The following DNAI1 variants were observed in gnomAD, a reference collection of about 807,000 sequenced individuals.
DNAI1 encodes the protein dynein, axonemal, intermediate polypeptide 1.
A neutral mutation model predicts 92.0 loss-of-function variants in DNAI1; 67 were observed. The ratio of observed to expected loss-of-function variants is 0.73; its 90% CI spans 0.60 to 0.89. DNAI1 has a LOEUF of 0.89. Among genes scored for constraint, DNAI1 ranks in the 40% least tolerant of loss-of-function variants. The pLI is 0.00. For synonymous variants in DNAI1, 323 were observed against 319.6 expected (o/e 1.01, Z -0.11); for missense variants, 839 against 866.6 (o/e 0.97, Z 0.40).
chr9:34,499,640 T>C (rs1334219846), intron 10 of DNAI1, among the ~76,000 whole-genome samples: 2 of 151,872 alleles, frequency 1.3e-5, no homozygotes, highest in Admixed American at 6.6e-5. Context: ...CAAAAGAAAA[T>C]GAAGGCCTTA....
chr9:34,483,217 G>T (rs1162072190), intron 1 of DNAI1, among the ~76,000 whole-genome samples: 1 of 152,224 alleles, frequency 6.6e-6, no homozygotes, highest in Non-Finnish European at 1.5e-5. Flanking sequence ...AGCCCAGAAA[G>T]GGGCTCCCAC....
intron 1 of DNAI1, among the ~76,000 whole-genome samples, chr9:34,481,506 G>T (rs1011154932): frequency 6.6e-6 from 1 of 152,236 alleles, no homozygotes; most frequent in African/African-American, 2.4e-5. Context: ...CTCCTTTTGT[G>T]TCTGGAATTG....
At chr9:34,500,351 CT>C (rs1824804052) in intron 10 of DNAI1, among the ~76,000 whole-genome samples, 1 of 152,090 alleles carries the variant, frequency 6.6e-6, no homozygotes, top group African/African-American at 2.4e-5. Flanking sequence ...CAGCTGAACC[CT>C]TGAAATTTGG....
intron 7 of DNAI1, among the ~76,000 whole-genome samples, chr9:34,490,784 G>C (rs1179900278): frequency 6.6e-6 from 1 of 152,204 alleles, no homozygotes; most frequent in Admixed American, 6.5e-5. Flanking sequence ...GAGGGGAGGG[G>C]AGGCCACAGT....
intron 1 of DNAI1, chr9:34,478,810 A>G (rs1220455144): frequency 1.3e-5 from 2 of 152,276 alleles, no homozygotes; most frequent in Non-Finnish European, 2.9e-5. Flanking sequence ...AAGAACGCCA[A>G]GCTGCCTCCT....
rs55750068 is a variant in DNAI1, at chr9:34,458,836, T to G, written c.-170T>G. The G allele has an allele frequency of 1.9e-5, 13 of 697,452 alleles. No homozygotes were observed. In the South Asian group the frequency reaches 2.0e-4, roughly 11 times the overall value. The allele number at this position is 697,452 out of a possible 1,614,324, so 43.2% of individuals were successfully genotyped here. ...TGGGTAACCGCGTCAGGGAGTTGGA[T>G]TCTATCCTGCAAGGGCACGGGGACC... On this transcript the variant is annotated 5_prime_UTR_variant, in exon 1 of 20. Coordinates refer to ENST00000242317, the MANE Select transcript of DNAI1 (RefSeq NM_012144.4). The surrounding 1 kb of genome is among the most constrained non-coding windows in gnomAD (Gnocchi z 6.6).
At position 34,492,493 on chromosome 9, in the gene DNAI1, G is replaced by GATAT. The variant is rs752863173; in HGVS notation, c.682-662_682-659dup. Among the ~76,000 whole-genome samples the GATAT allele has an allele frequency of 4.8e-3, 324 of 68,152 alleles. 3 individuals are homozygous for GATAT. The highest frequency in any genetic ancestry group is 5.6e-3 in the Non-Finnish European group (184 of 32,680). 44.7% of individuals were successfully genotyped at this position (68,152 alleles called of 152,430 possible). A position where few individuals can be genotyped will look rare whatever the true frequency, so the allele number is the denominator to read the frequency against. On this transcript the variant is annotated intron_variant, in intron 8 of 19. Coordinates refer to ENST00000242317, the MANE Select transcript of DNAI1 (RefSeq NM_012144.4). ...TCCGGGGTGGGGGTGGGGATATGAA[G>GATAT]ATATATATATATATATATATATATA...
In DNAI1 at chr9:34,487,696, C is replaced by G. The variant is rs190691819; in HGVS notation, c.262-1627C>G. On this transcript the variant is annotated intron_variant, in intron 4 of 19. Coordinates refer to ENST00000242317, the MANE Select transcript of DNAI1 (RefSeq NM_012144.4). ...TGGGAAGCACACTACAGGCAGAGGA[C>G]TGGCATTGCCTTGTCAATTTCAACG... Among the ~76,000 whole-genome samples, 19 of 152,194 alleles carry G rather than the reference C, an allele frequency of 1.2e-4. No homozygotes were observed. The East Asian group carries it at 3.5e-3, about 28-fold the overall frequency.
At position 34,497,287 on chromosome 9, in the gene DNAI1, G is replaced by A; in HGVS notation, c.901+88G>A. 6.1e-6 allele frequency: 6 copies of A among 978,286 alleles called. No homozygotes were observed. In the East Asian group the frequency reaches 1.4e-4, roughly 24 times the overall value. 60.6% of individuals were successfully genotyped at this position (978,286 alleles called of 1,614,324 possible). A position where few individuals can be genotyped will look rare whatever the true frequency, so the allele number is the denominator to read the frequency against. ...TGGGTTATTTGGGTGTCTCTTGCTAGCTCCTATAGGTGCAAGCGGAGAAAA... is the reference window on the plus strand; with the variant it reads ...TGGGTTATTTGGGTGTCTCTTGCTAACTCCTATAGGTGCAAGCGGAGAAAA... On this transcript the variant is annotated intron_variant, in intron 10 of 19. Coordinates refer to ENST00000242317, the MANE Select transcript of DNAI1 (RefSeq NM_012144.4).
At position 34,501,178 on chromosome 9, in the gene DNAI1, T is replaced by TCAA. The variant is rs1178132987; in HGVS notation, c.1061_1062insAAC (p.Ser354_Tyr355insThr). Reference sequence around the variant, plus strand: ...GGATCTGTTTGCAGTGGGATATGGCTCTTGTAAGTGATCTGACTATTCATT... The same window carrying TCAA: ...GGATCTGTTTGCAGTGGGATATGGCTCAACTTGTAAGTGATCTGACTATTCATT... On this transcript the variant is annotated inframe_insertion, in exon 12 of 20. Transcript: ENST00000242317. 1 of 1,612,116 alleles carries TCAA rather than the reference T, an allele frequency of 6.2e-7. No homozygotes were observed. The highest frequency in any genetic ancestry group is 1.3e-5 in the African/African-American group (1 of 74,884).
rs543480114 is a variant in DNAI1 at position 34,520,957 on chromosome 9, T to C, written c.*201T>C. ...TCAACCACCATTACCCCTCTAACTT[T>C]GCACAAATAAACCTGTGTAGAAACC... On this transcript the variant is annotated 3_prime_UTR_variant, in exon 20 of 20. Transcript: ENST00000242317. 2.5e-5 allele frequency: 16 copies of C among 638,918 alleles called. No individual in the cohort carries two copies. The highest frequency in any genetic ancestry group is 8.4e-6 in the Non-Finnish European group (3 of 355,698). The allele number at this position is 638,918 out of a possible 1,614,324, so 39.6% of individuals were successfully genotyped here. A position where few individuals can be genotyped will look rare whatever the true frequency, so the allele number is the denominator to read the frequency against.
intron 1 of DNAI1, among the ~76,000 whole-genome samples, chr9:34,469,876 A>C (rs983331896): frequency 6.6e-6 from 1 of 152,210 alleles, no homozygotes; most frequent in Non-Finnish European, 1.5e-5. Flanking sequence ...CACTGCGCCC[A>C]GCCCTTCTAT....
At chr9:34,490,528 C>T in intron 7 of DNAI1, 40 bp downstream of exon 7, 2 of 1,613,208 alleles carry the variant, frequency 1.2e-6, no homozygotes. Flanking sequence ...CAGCTCTTCA[C>T]TGTGCCTGGC....
intron 12 of DNAI1, among the ~76,000 whole-genome samples, chr9:34,501,587 A>G (rs1180645554): frequency 6.6e-6 from 1 of 152,246 alleles, no homozygotes; most frequent in Non-Finnish European, 1.5e-5. Context: ...GAATTCAAGG[A>G]CAGGGACATG....
intron 9 of DNAI1, 57 bp downstream of exon 9, chr9:34,493,385 C>T: frequency 6.2e-7 from 1 of 1,612,824 alleles, no homozygotes; most frequent in Non-Finnish European, 8.5e-7. Context: ...GCCTTGGCCT[C>T]TGGGTAGACA....
intron 12 of DNAI1, among the ~76,000 whole-genome samples, chr9:34,505,292 T>C (rs892034251): frequency 5.9e-5 from 9 of 152,142 alleles, no homozygotes; most frequent in African/African-American, 2.2e-4. Flanking sequence ...TTCCATGGCT[T>C]GTGGTCCCCT....
intron 10 of DNAI1, among the ~76,000 whole-genome samples, 158 bp from the exon 11 acceptor site, chr9:34,500,564 T>C (rs370028098): frequency 7.7e-4 from 118 of 152,328 alleles, no homozygotes; most frequent in African/African-American, 2.8e-3. Flanking sequence ...TCAATTCATA[T>C]ATCCTCACAA....
chr9:34,468,825 CA>C (rs200911728), intron 1 of DNAI1, among the ~76,000 whole-genome samples: 107 of 131,370 alleles, frequency 8.1e-4, no homozygotes, highest in Middle Eastern at 4.1e-3. Context: ...GACCCTGTCT[CA>C]AAAAAAAAAA....
rs1298724313 is a variant in DNAI1, at chr9:34,463,587, GA to G, written c.48+4536del. 2.0e-5 allele frequency among the ~76,000 whole-genome samples: 3 copies of G among 152,058 alleles called. No individual in the cohort carries two copies. The East Asian group carries it at 5.8e-4, about 29-fold the overall frequency. On this transcript the variant is annotated intron_variant, in intron 1 of 19. Coordinates refer to ENST00000242317, the MANE Select transcript of DNAI1 (RefSeq NM_012144.4). ...AACTTCTTAGTAGAAAACCGAATTA[GA>G]ATCTTCTGTGAACTCCAGTTAAAAG...
Sources: gnomAD v4.1 joint callset for allele counts (sites outside exome capture counted in the v4.1 genomes callset) on GRCh38, gnomAD v4.1.1 for gene constraint, Gnocchi (gnomAD v3.1) non-coding constraint, MANE v1.5 for transcripts, NCBI Gene and HGNC (gene_info 2026-07-23, HGNC 2026-07-21) for gene names.